RAB3GAP1: variants seen among roughly 807,000 people sequenced by gnomAD.
The protein encoded by RAB3GAP1 is rab3 GTPase-activating protein catalytic subunit.
In RAB3GAP1, 86 loss-of-function variants were observed where a neutral mutation model predicts 130.7. The ratio of observed to expected loss-of-function variants is 0.66; its 90% CI spans 0.55 to 0.79. The LOEUF (loss-of-function observed/expected upper bound fraction) is 0.79, where lower values mean the gene tolerates loss of function less well. Ranked by LOEUF, RAB3GAP1 falls within the 30% of genes least tolerant of loss-of-function variation. The probability of loss-of-function intolerance (pLI) is 0.00; values close to 1 mark genes in which losing one functional copy is unlikely to be tolerated. For missense variants in RAB3GAP1, 1,029 were observed against 1,169.4 expected, an observed-to-expected ratio of 0.88 and a Z score of 1.75; for synonymous variants, 367 against 401.7, an observed-to-expected ratio of 0.91 and a Z score of 1.03.
In RAB3GAP1 at chr2:135,120,692, GA is replaced by G. The variant is rs560332374; in HGVS notation, c.649-125del. ...ATATGCACACTATTGTTTAACACTAGAATCTGAAAATCCAGGTTTCATAAAG... is the reference window on the plus strand; with the variant it reads ...ATATGCACACTATTGTTTAACACTAGATCTGAAAATCCAGGTTTCATAAAG... On this transcript the variant is annotated intron_variant, in intron 7 of 23. Transcript: ENST00000264158. The G allele has an allele frequency of 1.7e-4, 130 of 772,078 alleles. 1 individual carries two copies. The East Asian group carries it at 3.1e-3, about 18-fold the overall frequency. The allele number at this position is 772,078 out of a possible 1,614,324, so 47.8% of individuals were successfully genotyped here. A position where few individuals can be genotyped will look rare whatever the true frequency, so the allele number is the denominator to read the frequency against.
chr2:135,115,174 T>C (rs761014043), intron 6 of RAB3GAP1, 42 bp from the exon 7 acceptor site: 2 of 1,560,218 alleles, frequency 1.3e-6, no homozygotes, highest in Non-Finnish European at 1.8e-6. Context: ...GTTTAATGTT[T>C]AATGAGCTTG....
intron 3 of RAB3GAP1, among the ~76,000 whole-genome samples, chr2:135,081,361 T>TATATATACACAC (rs1216831944): frequency 1.4e-5 from 1 of 71,260 alleles, no homozygotes; most frequent in Non-Finnish European, 2.3e-5. Flanking sequence ...TATATATATA[T>TATATATACACAC]ACACACACGT....
intron 17 of RAB3GAP1, among the ~76,000 whole-genome samples, chr2:135,139,986 G>A (rs1691790310): frequency 6.6e-6 from 1 of 152,080 alleles, no homozygotes; most frequent in Admixed American, 6.6e-5. Context: ...ATCATACATT[G>A]TGTACTCTTT....
chr2:135,057,475 C>T (rs1260337454), intron 2 of RAB3GAP1, among the ~76,000 whole-genome samples: 1 of 152,172 alleles, frequency 6.6e-6, no homozygotes, highest in Non-Finnish European at 1.5e-5. Flanking sequence ...GATGTCCGCT[C>T]ACTGCAACGT....
At chr2:135,172,258 C>T (rs1228456670), downstream of RAB3GAP1, among the ~76,000 whole-genome samples, 1 of 151,138 alleles carries the variant, frequency 6.6e-6, no homozygotes, top group Admixed American at 6.6e-5. Context: ...GGTGAAACCC[C>T]GTCTCTATTA....
chr2:135,083,767 G>GTTTTTTTTTTTTTTTTTTTTTTTTTT, intron 3 of RAB3GAP1, among the ~76,000 whole-genome samples: 1 of 98,288 alleles, frequency 1.0e-5, no homozygotes, highest in Non-Finnish European at 1.9e-5. Flanking sequence ...ACCCAACACG[G>GTTTTTTTTTTTTTTTTTTTTTTTTTT]TTTTTTTTTT....
At chr2:135,133,806 A>G (rs939420154) in intron 14 of RAB3GAP1, 55 bp from the exon 15 acceptor site, 2 of 1,482,850 alleles carry the variant, frequency 1.3e-6, no homozygotes, top group African/African-American at 2.8e-5. Context: ...TTTCAGTTAT[A>G]TGTGTAAAAT....
chr2:135,130,791 T>C (rs991806998), intron 13 of RAB3GAP1, 70 bp downstream of exon 13: 2 of 1,419,684 alleles, frequency 1.4e-6, no homozygotes, highest in Non-Finnish European at 2.0e-6. Context: ...CAGTTCCTTT[T>C]ATGTGGTAGG....
chr2:135,067,821 C>T (rs993392976), intron 3 of RAB3GAP1, among the ~76,000 whole-genome samples: 5 of 152,212 alleles, frequency 3.3e-5, no homozygotes, highest in African/African-American at 9.6e-5. Context: ...GCCTCAACCT[C>T]CTGGGCTCAG....
chr2:135,157,896 A>G (rs1173355517), intron 19 of RAB3GAP1, among the ~76,000 whole-genome samples: 2 of 152,022 alleles, frequency 1.3e-5, no homozygotes, highest in East Asian at 3.8e-4. Flanking sequence ...GGTTTTTGTA[A>G]TGATACGGGT....
intron 3 of RAB3GAP1, among the ~76,000 whole-genome samples, chr2:135,088,764 T>C (rs752145236): frequency 6.6e-6 from 1 of 152,020 alleles, no homozygotes; most frequent in Non-Finnish European, 1.5e-5. Flanking sequence ...GGGTTGTTTT[T>C]TCTTGTAAAT....
chr2:135,110,269 G>C (rs1009066474), intron 5 of RAB3GAP1, among the ~76,000 whole-genome samples: 2 of 152,004 alleles, frequency 1.3e-5, no homozygotes, highest in African/African-American at 2.4e-5. Flanking sequence ...AAGCTGCTGG[G>C]ACTACAGGCG....
In RAB3GAP1 at chr2:135,166,166, C is replaced by CA. The variant is rs199588862; in HGVS notation, c.2709+1485dup. On this transcript the variant is annotated intron_variant, in intron 23 of 23. Transcript: ENST00000264158. Reference sequence around the variant, plus strand: ...CGGCCTGGGTGATAAAACTCCATCTCAAAAAAAAAAAAAAAGTTATGTGTT... The same window carrying CA: ...CGGCCTGGGTGATAAAACTCCATCTCAAAAAAAAAAAAAAAAGTTATGTGTT... Among the ~76,000 whole-genome samples, 472 of 102,586 alleles carry CA rather than the reference C, an allele frequency of 4.6e-3. 2 individuals carry two copies. Among genetic ancestry groups the CA allele is most frequent in the Middle Eastern group, 0.011 (2 of 186 alleles). 67.3% of individuals were successfully genotyped at this position (102,586 alleles called of 152,430 possible). A position where few individuals can be genotyped will look rare whatever the true frequency, so the allele number is the denominator to read the frequency against.
chr2:135,102,663 A>G (rs908908388), intron 5 of RAB3GAP1, among the ~76,000 whole-genome samples: 2 of 152,194 alleles, frequency 1.3e-5, no homozygotes, highest in African/African-American at 2.4e-5. Context: ...ACAAAGGAAC[A>G]GTCCACAAAT....
At chr2:135,163,868 A>G (rs1441953744) in intron 22 of RAB3GAP1, among the ~76,000 whole-genome samples, 1 of 152,218 alleles carries the variant, frequency 6.6e-6, no homozygotes, top group Non-Finnish European at 1.5e-5. Context: ...TCTTTTAACA[A>G]GTTTGTGTTT....
chr2:135,052,583 G>A, intron 2 of RAB3GAP1, 98 bp downstream of exon 2: 3 of 1,423,072 alleles, frequency 2.1e-6, no homozygotes, highest in Non-Finnish European at 9.9e-7. Context: ...CGCCACTTGT[G>A]CGGGAACGGT....
At chr2:135,174,837 C>T (rs1003398103), downstream of RAB3GAP1, among the ~76,000 whole-genome samples, 5 of 152,192 alleles carry the variant, frequency 3.3e-5, no homozygotes, top group African/African-American at 7.2e-5. Context: ...GGGAGTGCGA[C>T]GGTGGGAGGC....
intron 17 of RAB3GAP1, among the ~76,000 whole-genome samples, chr2:135,143,463 T>C (rs1691902933): frequency 6.6e-6 from 1 of 152,144 alleles, no homozygotes. Context: ...TTTCTTTGCT[T>C]CTACTTTCCT....
At chr2:135,118,236 T>G (rs940671687) in intron 7 of RAB3GAP1, among the ~76,000 whole-genome samples, 1 of 152,144 alleles carries the variant, frequency 6.6e-6, no homozygotes, top group African/African-American at 2.4e-5. Context: ...TACATTGATC[T>G]GTGGAACCCA....
Sources: allele counts gnomAD v4.1 joint callset (sites outside exome capture counted in the v4.1 genomes callset), GRCh38; gene constraint gnomAD v4.1.1; transcripts MANE v1.5; gene names NCBI Gene and HGNC (gene_info 2026-07-23, HGNC 2026-07-21).